Variants in ARHGEF4 observed in about 807,000 individuals in gnomAD.
The protein encoded by ARHGEF4 is Rho guanine nucleotide exchange factor 4.
Under a neutral mutation model 162.0 loss-of-function variants are expected in ARHGEF4, and 119 were observed. That is an observed-to-expected ratio of 0.73 (90% CI 0.63 to 0.86). ARHGEF4 has a LOEUF of 0.86. Ranked by LOEUF, ARHGEF4 falls within the 40% of genes least tolerant of loss-of-function variation. The pLI, the probability that ARHGEF4 is intolerant of heterozygous loss-of-function variation, is 0.00. For missense variants in ARHGEF4, 2,488 were observed against 2,456.0 expected (o/e 1.01, Z -0.28); for synonymous variants, 1,014 against 979.9 (o/e 1.03, Z -0.65).
chr2:130,925,768 A>G (rs1682206745), intron 2 of ARHGEF4, among the ~76,000 whole-genome samples: 1 of 152,144 alleles, frequency 6.6e-6, no homozygotes, highest in South Asian at 2.1e-4. Flanking sequence ...CTTAGATTTC[A>G]GAAGTTTGCT....
At chr2:131,044,036 G>A (rs1691035920) in intron 11 of ARHGEF4, among the ~76,000 whole-genome samples, 2 of 152,132 alleles carry the variant, frequency 1.3e-5, no homozygotes, top group South Asian at 2.1e-4. Flanking sequence ...GTGAGCCACT[G>A]TCTTAGTCTC....
intron 4 of ARHGEF4, among the ~76,000 whole-genome samples, chr2:131,025,874 T>G (rs1689448911): frequency 6.6e-6 from 1 of 152,234 alleles, no homozygotes; most frequent in Non-Finnish European, 1.5e-5. Flanking sequence ...TATTTTCACC[T>G]ATGTTGGGCC....
chr2:130,892,811 A>G (rs1023333158), intron 1 of ARHGEF4, among the ~76,000 whole-genome samples: 3 of 152,084 alleles, frequency 2.0e-5, no homozygotes, highest in African/African-American at 4.8e-5. Flanking sequence ...CTTGGTGGCT[A>G]TGCAGGGTCT....
chr2:131,002,149 T>C (rs1375725335), intron 4 of ARHGEF4, among the ~76,000 whole-genome samples: 2 of 152,214 alleles, frequency 1.3e-5, no homozygotes, highest in Admixed American at 6.5e-5. Context: ...GTAAACAAGG[T>C]GCACGCAATG....
rs751506768 is a variant in ARHGEF4, at chr2:130,915,411, C to A, written c.1465C>A (p.Gln489Lys). The part of the protein sequence containing the change: ...APRAADERET[Q>K]KHLWGISVQA... The stretch of plus-strand genomic sequence containing the variant: ...AAGAGCTGCTGATGAGAGAGAGACA[C>A]AGAAGCACCTCTGGGGCATTTCTGT... Residue 489 changes from glutamine (Q) to lysine (K), a missense_variant, in exon 2 of 14, where the codon CAG (glutamine) becomes AAG (lysine). Coordinates refer to ENST00000409359, the MANE Select transcript of ARHGEF4 (RefSeq NM_001367493.1). The A allele has an allele frequency of 1.8e-4, 282 of 1,550,464 alleles. No individual in the cohort carries two copies. Among genetic ancestry groups the A allele is most frequent in the Non-Finnish European group, 1.9e-4 (220 of 1,147,018 alleles).
intron 1 of ARHGEF4, among the ~76,000 whole-genome samples, chr2:130,875,799 C>T (rs1055924594): frequency 5.3e-5 from 8 of 152,170 alleles, no homozygotes; most frequent in South Asian, 4.1e-4. Context: ...CTCTCCCTCC[C>T]GGCTCCCACA....
chr2:130,848,296 C>G (rs576459533), intron 1 of ARHGEF4, among the ~76,000 whole-genome samples: 1 of 152,182 alleles, frequency 6.6e-6, no homozygotes. Context: ...TGTGCGCTGC[C>G]CCAGCATACC....
rs1223133499 is a variant in ARHGEF4, at chr2:130,917,199, A to T, written c.3253A>T (p.Thr1085Ser). 7.1e-6 allele frequency: 11 copies of T among 1,550,146 alleles called. No homozygotes were observed. The African/African-American group carries it at 1.5e-4, about 21-fold the overall frequency. Residue 1085 changes from threonine (T) to serine (S), a missense_variant, in exon 2 of 14, where the codon ACG (threonine) becomes TCG (serine). Thr to Ser is a moderately conservative substitution (Grantham distance 58, BLOSUM62 1). Around this residue, in one of 6 missense-constraint regions of ARHGEF4, gnomAD observed 1,642 missense variants for 1,481.5 expected, o/e 1.11. Coordinates refer to ENST00000409359, the MANE Select transcript of ARHGEF4 (RefSeq NM_001367493.1). The stretch of plus-strand genomic sequence containing the variant: ...CTGCCTGGCATATGAAAACCCCGGG[A>T]CGCCCTGCAGACCCACGAGCCCCAA... Reference protein sequence around the residue: ...ACCLAYENPGTPCRPTSPKPL... With the variant: ...ACCLAYENPGSPCRPTSPKPL...
At chr2:131,012,815 A>C (rs949996349) in intron 4 of ARHGEF4, among the ~76,000 whole-genome samples, 3 of 152,180 alleles carry the variant, frequency 2.0e-5, no homozygotes, top group African/African-American at 2.4e-5. Context: ...TCCTGACCTC[A>C]GGTGATCCGC....
rs1420383084 is a variant in ARHGEF4, at chr2:130,914,114, G to A, written c.168G>A (p.Leu56=). 7 of 1,536,038 alleles carry A rather than the reference G, an allele frequency of 4.6e-6. No homozygotes were observed. Among genetic ancestry groups the A allele is most frequent in the Admixed American group, 2.0e-5 (1 of 50,988 alleles). The change falls in exon 2 of 14, where the codon CTG becomes CTA. Residue 56 remains leucine (L), a synonymous_variant. Transcript: ENST00000409359. ...QQTDRDDSET[L]SQQSESGSDT... ...CAGACCGCGATGATTCTGAAACGCT[G>A]TCCCAGCAGAGTGAAAGTGGATCAG... is the stretch of plus-strand genomic sequence containing the variant.
intron 1 of ARHGEF4, among the ~76,000 whole-genome samples, chr2:130,856,996 G>A (rs1168504512): frequency 6.6e-6 from 1 of 152,170 alleles, no homozygotes. Flanking sequence ...GCCGAGGCGG[G>A]TGGATCACGA....
chr2:130,893,643 G>A (rs979578229), intron 1 of ARHGEF4, among the ~76,000 whole-genome samples: 1 of 152,166 alleles, frequency 6.6e-6, no homozygotes, highest in Non-Finnish European at 1.5e-5. Flanking sequence ...TGGGAGGCAG[G>A]CAAGAAACTC....
chr2:130,973,120 A>G (rs1685472652), intron 4 of ARHGEF4, among the ~76,000 whole-genome samples: 2 of 152,262 alleles, frequency 1.3e-5, no homozygotes, highest in Admixed American at 1.3e-4. Context: ...AGTGATGTGA[A>G]CCCCCAATTA....
chr2:131,024,429 C>G (rs1689343262), intron 4 of ARHGEF4, among the ~76,000 whole-genome samples: 2 of 152,158 alleles, frequency 1.3e-5, no homozygotes, highest in Admixed American at 1.3e-4. Context: ...GTGTGTGCCA[C>G]CATGCCCGCC....
chr2:131,039,305 C>T, intron 6 of ARHGEF4: 1 of 1,252,814 alleles, frequency 8.0e-7, no homozygotes, highest in Non-Finnish European at 1.0e-6. Context: ...ACCCCCGCAA[C>T]TCCAGGCGCT....
intron 2 of ARHGEF4, 150 bp from the exon 3 acceptor site, chr2:130,930,802 G>A: frequency 1.6e-6 from 1 of 624,940 alleles, no homozygotes; most frequent in Non-Finnish European, 2.5e-6. Context: ...AAATGACTGT[G>A]AACAAAGTAT....
At chr2:131,032,002 T>C (rs1689885610) in intron 5 of ARHGEF4, among the ~76,000 whole-genome samples, 1 of 152,128 alleles carries the variant, frequency 6.6e-6, no homozygotes, top group Non-Finnish European at 1.5e-5. Context: ...ACGGCCTGGC[T>C]CCTGCTGGGG....
intron 4 of ARHGEF4, among the ~76,000 whole-genome samples, chr2:130,951,734 A>G (rs1683971560): frequency 6.6e-6 from 1 of 152,156 alleles, no homozygotes; most frequent in African/African-American, 2.4e-5. Context: ...TTTCATGTAT[A>G]TATATATAAC....
At position 130,922,923 on chromosome 2, in the gene ARHGEF4, G is replaced by GATATATATAT. The variant is rs60528259; in HGVS notation, c.3552+5434_3552+5443dup. Reference sequence around the variant, plus strand: ...GTGGCTTGTCTTTTCCCTCTTTAATGATATATATATATATATATTTTGTTT... The same window carrying GATATATATAT: ...GTGGCTTGTCTTTTCCCTCTTTAATGATATATATATATATATATATATATATATTTTGTTT... On this transcript the variant is annotated intron_variant, in intron 2 of 13. Coordinates refer to ENST00000409359, the MANE Select transcript of ARHGEF4 (RefSeq NM_001367493.1). 5.1e-3 allele frequency among the ~76,000 whole-genome samples: 735 copies of GATATATATAT among 145,542 alleles called. 2 individuals are homozygous for GATATATATAT. Among genetic ancestry groups the GATATATATAT allele is most frequent in the East Asian group, 0.02 (97 of 4,928 alleles).
Sources: allele counts gnomAD v4.1 joint callset (sites outside exome capture counted in the v4.1 genomes callset), GRCh38; gene constraint gnomAD v4.1.1; regional missense constraint gnomAD v4.1.1; transcripts MANE v1.5; gene names NCBI Gene and HGNC (gene_info 2026-07-23, HGNC 2026-07-21).